DLC1: variants seen among roughly 807,000 people sequenced by gnomAD.
DLC1 encodes the protein DLC1 Rho GTPase activating protein, also known as rho GTPase-activating protein 7.
A neutral mutation model predicts 140.3 loss-of-function variants in DLC1; 54 were observed. The ratio of observed to expected loss-of-function variants is 0.38; its 90% CI spans 0.31 to 0.48. The LOEUF (loss-of-function observed/expected upper bound fraction) is 0.48. Among genes scored for constraint, DLC1 ranks in the 20% least tolerant of loss-of-function variants. The pLI, the probability that DLC1 is intolerant of heterozygous loss-of-function variation, is 0.96. For synonymous variants in DLC1, 986 were observed against 728.1 expected (o/e 1.35, Z -5.70); for missense variants, 2,536 against 1,907.0 (o/e 1.33, Z -6.14).
Position 13,267,566 on chromosome 8 carries a change from C to G in DLC1, c.1348+37703G>C, listed in dbSNP as rs567191197. Among the ~76,000 whole-genome samples the G allele has an allele frequency of 2.0e-5, 3 of 152,226 alleles. No homozygotes were observed. The East Asian group carries it at 5.8e-4, about 29-fold the overall frequency. ...AGCTAAATATGTCACCAAAAATCAA[C>G]CAGATAAAACAAAGTCTAGACACCA... is the stretch of plus-strand genomic sequence containing the variant. On this transcript the variant is annotated intron_variant, in intron 5 of 17. Coordinates refer to ENST00000276297, the MANE Select transcript of DLC1 (RefSeq NM_182643.3).
At chr8:13,161,172 A>G (rs1249642568) in intron 5 of DLC1, among the ~76,000 whole-genome samples, 3 of 152,224 alleles carry the variant, frequency 2.0e-5, no homozygotes, top group African/African-American at 7.2e-5. Context: ...TTCCTCACCC[A>G]AAATATACCA....
intron 5 of DLC1, among the ~76,000 whole-genome samples, chr8:13,245,661 A>C (rs1446359318): frequency 6.6e-6 from 1 of 152,144 alleles, no homozygotes; most frequent in African/African-American, 2.4e-5. Context: ...TTGTTTAGAT[A>C]AATGCAAACT....
intron 5 of DLC1, among the ~76,000 whole-genome samples, chr8:13,238,046 T>C (rs1829372333): frequency 6.6e-6 from 1 of 152,240 alleles, no homozygotes; most frequent in African/African-American, 2.4e-5. Context: ...TTGGTAGCTC[T>C]ATGTTTTGAA....
chr8:13,141,922 C>T (rs958246339), intron 5 of DLC1, among the ~76,000 whole-genome samples: 2 of 152,114 alleles, frequency 1.3e-5, no homozygotes, highest in African/African-American at 4.8e-5. Flanking sequence ...GATTTTGTGT[C>T]CCCACCCAAA....
chr8:13,184,189 A>G (rs147420421), intron 5 of DLC1, among the ~76,000 whole-genome samples: 1 of 151,882 alleles, frequency 6.6e-6, no homozygotes, highest in African/African-American at 2.4e-5. Context: ...TATTGCATCT[A>G]TTTGATTCTT....
At chr8:13,549,811 C>T (rs1025419867) in intron 1 of DLC1, among the ~76,000 whole-genome samples, 8 of 152,086 alleles carry the variant, frequency 5.3e-5, no homozygotes, top group African/African-American at 1.9e-4. Context: ...TCAAGGATCA[C>T]ATGAAAATTC....
chr8:13,525,929 A>G (rs192510235), intron 1 of DLC1, among the ~76,000 whole-genome samples: 7 of 152,158 alleles, frequency 4.6e-5, no homozygotes, highest in Non-Finnish European at 1.0e-4. Flanking sequence ...CTCCTACACT[A>G]TATGCTAGAA....
At chr8:13,575,784 G>A (rs1357776424) in intron 1 of DLC1, among the ~76,000 whole-genome samples, 5 of 152,190 alleles carry the variant, frequency 3.3e-5, no homozygotes, top group Non-Finnish European at 2.9e-5. Context: ...CCAGCATTGT[G>A]TATTTTGAGA....
chr8:13,550,283 T>TC (rs1803801198), intron 1 of DLC1, among the ~76,000 whole-genome samples: 1 of 152,092 alleles, frequency 6.6e-6, no homozygotes, highest in Non-Finnish European at 1.5e-5. Context: ...ACTGTGCTTC[T>TC]CTCCCCTGCT....
At chr8:13,513,541 A>G (rs1215902068) in intron 1 of DLC1, among the ~76,000 whole-genome samples, 1 of 152,090 alleles carries the variant, frequency 6.6e-6, no homozygotes, top group African/African-American at 2.4e-5. Context: ...TTCACTTAGT[A>G]TATTTTGTAT....
At chr8:13,489,448 CAA>C (rs1491586250) in intron 2 of DLC1, among the ~76,000 whole-genome samples, 2 of 147,794 alleles carry the variant, frequency 1.4e-5, no homozygotes, top group South Asian at 2.2e-4. Context: ...CACACACACA[CAA>C]AATGTTGCTA....
At chr8:13,249,810 C>T (rs575030646) in intron 5 of DLC1, among the ~76,000 whole-genome samples, 30 of 152,310 alleles carry the variant, frequency 2.0e-4, no homozygotes, top group African/African-American at 7.2e-4. Context: ...TAAATTATCC[C>T]CATTGATCCT....
intron 5 of DLC1, among the ~76,000 whole-genome samples, chr8:13,125,157 A>C (rs989768252): frequency 4.6e-5 from 7 of 152,096 alleles, no homozygotes; most frequent in African/African-American, 1.7e-4. Context: ...TCGTATTTTT[A>C]GTAGAGACGG....
At chr8:13,477,279 G>C (rs111792759) in intron 2 of DLC1, among the ~76,000 whole-genome samples, 1 of 152,136 alleles carries the variant, frequency 6.6e-6, no homozygotes, top group Non-Finnish European at 1.5e-5. Flanking sequence ...AGAAGACAGC[G>C]TGGAAGATGT....
rs1046109257 is a variant in DLC1, at chr8:13,338,151, C to T, written c.1315-32849G>A. ...CAATTTTGTCCCCACTTGCTTTTGA[C>T]CTTAGATGGGACACTTGGTTGTTCT... is the stretch of plus-strand genomic sequence containing the variant. On this transcript the variant is annotated intron_variant, in intron 4 of 17. Coordinates refer to ENST00000276297, the MANE Select transcript of DLC1 (RefSeq NM_182643.3). Among the ~76,000 whole-genome samples the T allele has an allele frequency of 2.0e-5, 3 of 152,138 alleles. 1 individual carries two copies. The highest frequency in any genetic ancestry group is 2.0e-4 in the Admixed American group (3 of 15,266).
chr8:13,560,385 G>T (rs113615974), intron 1 of DLC1, among the ~76,000 whole-genome samples: 9 of 152,250 alleles, frequency 5.9e-5, no homozygotes, highest in African/African-American at 1.9e-4. Context: ...GGCCAGACAG[G>T]TTTGTGATAG....
chr8:13,093,330 T>A (rs911642467), intron 12 of DLC1, among the ~76,000 whole-genome samples: 26 of 152,138 alleles, frequency 1.7e-4, no homozygotes, highest in Admixed American at 1.2e-3. Flanking sequence ...GATTTGTTCC[T>A]TCTTGAAGTG....
At chr8:13,508,368 A>C (rs781126382) in intron 1 of DLC1, among the ~76,000 whole-genome samples, 2 of 152,092 alleles carry the variant, frequency 1.3e-5, no homozygotes, top group Non-Finnish European at 2.9e-5. Flanking sequence ...GAGATCCCAG[A>C]ATTAACAGAG....
At chr8:13,572,622 A>G (rs1263840532) in intron 1 of DLC1, among the ~76,000 whole-genome samples, 2 of 152,242 alleles carry the variant, frequency 1.3e-5, no homozygotes, top group South Asian at 2.1e-4. Context: ...CACACATCTT[A>G]TAGTTATGTA....
Sources: gnomAD v4.1 joint callset for allele counts (sites outside exome capture counted in the v4.1 genomes callset) on GRCh38, gnomAD v4.1.1 for gene constraint, MANE v1.5 for transcripts, NCBI Gene and HGNC (gene_info 2026-07-23, HGNC 2026-07-21) for gene names.